The following DLG2 variants were observed in gnomAD, a reference collection of about 807,000 sequenced individuals.
The protein encoded by DLG2 is discs large MAGUK scaffold protein 2.
DLG2 carries 45 observed loss-of-function variants against 132.5 expected under a neutral mutation model. The ratio of observed to expected loss-of-function variants is 0.34; its 90% CI spans 0.27 to 0.44. The LOEUF (loss-of-function observed/expected upper bound fraction) is 0.44. DLG2 is among the 20% of genes least tolerant of loss of function. The pLI is 1.00. For synonymous variants in DLG2, 424 were observed against 419.6 expected (o/e 1.01, Z -0.13); for missense variants, 1,045 against 1,196.9 (o/e 0.87, Z 1.87).
intron 6 of DLG2, among the ~76,000 whole-genome samples, chr11:84,984,352 C>T (rs1224077684): frequency 6.6e-6 from 1 of 152,148 alleles, no homozygotes; most frequent in Admixed American, 6.5e-5. Flanking sequence ...AAACAATTAT[C>T]AGCCAAGAAT....
At chr11:83,868,315 G>C (rs1450250123) in intron 16 of DLG2, among the ~76,000 whole-genome samples, 1 of 152,118 alleles carries the variant, frequency 6.6e-6, no homozygotes, top group Non-Finnish European at 1.5e-5. Context: ...TTCTTATTCA[G>C]GAGACAGGTC....
chr11:85,311,154 T>C (rs2080289301), intron 3 of DLG2, among the ~76,000 whole-genome samples: 1 of 152,158 alleles, frequency 6.6e-6, no homozygotes, highest in South Asian at 2.1e-4. Flanking sequence ...CAGCCTAAAA[T>C]ATTTGCTATT....
At chr11:85,371,919 A>G (rs2085011451) in intron 3 of DLG2, among the ~76,000 whole-genome samples, 3 of 152,256 alleles carry the variant, frequency 2.0e-5, no homozygotes, top group Non-Finnish European at 4.4e-5. Context: ...GTATAAGACT[A>G]AAGTCCCTTT....
intron 18 of DLG2, among the ~76,000 whole-genome samples, chr11:83,694,166 T>A (rs1046612117): frequency 1.3e-5 from 2 of 152,198 alleles, no homozygotes; most frequent in Admixed American, 1.3e-4. Context: ...GAGCTGGGAC[T>A]CTAACTAAAT....
chr11:85,472,847 C>G (rs2093028609), intron 3 of DLG2, among the ~76,000 whole-genome samples: 1 of 152,210 alleles, frequency 6.6e-6, no homozygotes, highest in South Asian at 2.1e-4. Flanking sequence ...ACTGAATGAG[C>G]TGTAACACAA....
chr11:84,426,509 T>C (rs1350798204), intron 7 of DLG2, among the ~76,000 whole-genome samples: 2 of 152,128 alleles, frequency 1.3e-5, no homozygotes, highest in East Asian at 1.9e-4. Context: ...GTGGATATAA[T>C]AGTACTTTGC....
At chr11:85,119,142 A>C (rs1249919055) in intron 5 of DLG2, among the ~76,000 whole-genome samples, 2 of 152,002 alleles carry the variant, frequency 1.3e-5, no homozygotes, top group African/African-American at 4.8e-5. Flanking sequence ...CAAGAACTTT[A>C]AACTTAAGTT....
In DLG2 at chr11:84,075,784, G is replaced by A. The variant is rs207472093; in HGVS notation, c.750-16300C>T. Among the ~76,000 whole-genome samples the A allele has an allele frequency of 5.9e-5, 9 of 151,988 alleles. No individual in the cohort carries two copies. The East Asian group carries it at 1.5e-3, about 26-fold the overall frequency. Reference sequence around the variant, plus strand: ...ACTTATACTCCTCATCTCTTCCTAGGGTAAATCATATTTCATGAAATAAAT... The same window carrying A: ...ACTTATACTCCTCATCTCTTCCTAGAGTAAATCATATTTCATGAAATAAAT... On this transcript the variant is annotated intron_variant, in intron 10 of 27. Coordinates refer to ENST00000376104, the MANE Select transcript of DLG2 (RefSeq NM_001142699.3).
chr11:84,102,768 G>A (rs1184362102), intron 9 of DLG2, among the ~76,000 whole-genome samples: 1 of 152,172 alleles, frequency 6.6e-6, no homozygotes, highest in African/African-American at 2.4e-5. Context: ...GGGACATTTA[G>A]TGGGGGAAGT....
intron 9 of DLG2, among the ~76,000 whole-genome samples, chr11:84,137,327 C>T (rs1203406352): frequency 6.6e-6 from 1 of 152,086 alleles, no homozygotes; most frequent in Non-Finnish European, 1.5e-5. Context: ...CATACTCTAT[C>T]ATTAAAGAGA....
chr11:84,338,246 C>G (rs1385377935), intron 7 of DLG2, among the ~76,000 whole-genome samples: 1 of 152,182 alleles, frequency 6.6e-6, no homozygotes, highest in African/African-American at 2.4e-5. Context: ...CTAACATGCT[C>G]TCTTTTCTTT....
intron 18 of DLG2, among the ~76,000 whole-genome samples, chr11:83,659,634 G>A (rs564144967): frequency 2.6e-5 from 4 of 152,268 alleles, no homozygotes; most frequent in Admixed American, 6.5e-5. Context: ...GGTGGTGTAG[G>A]GATTACTCTC....
At chr11:84,323,668 G>T (rs1406502411) in intron 7 of DLG2, among the ~76,000 whole-genome samples, 1 of 150,190 alleles carries the variant, frequency 6.7e-6, no homozygotes, top group African/African-American at 2.4e-5. Flanking sequence ...CAATGCACAG[G>T]ACTTCCAATT....
chr11:83,759,630 T>C (rs565130006), intron 18 of DLG2, among the ~76,000 whole-genome samples: 2 of 152,212 alleles, frequency 1.3e-5, no homozygotes, highest in Non-Finnish European at 2.9e-5. Context: ...CCTGTTTCTT[T>C]AAGAAGTGAC....
chr11:84,774,790 C>A (rs1233391494), intron 6 of DLG2, among the ~76,000 whole-genome samples: 1 of 152,004 alleles, frequency 6.6e-6, no homozygotes, highest in Non-Finnish European at 1.5e-5. Flanking sequence ...CAAAAATTAA[C>A]TCAAGATTGA....
rs115784678 is a variant in DLG2 at position 84,461,542 on chromosome 11, C to T, written c.519+73028G>A. ...AATAGGGAAAAGTTAATTAACCTGT[C>T]AATCAATCATGTATAGGCAGTAATA... On this transcript the variant is annotated intron_variant, in intron 7 of 27. Coordinates refer to ENST00000376104, the MANE Select transcript of DLG2 (RefSeq NM_001142699.3). Among the ~76,000 whole-genome samples the T allele has an allele frequency of 6.5e-3, 979 of 150,998 alleles. 13 individuals are homozygous for T. The highest frequency in any genetic ancestry group is 0.021 in the African/African-American group (871 of 41,364).
chr11:85,283,098 G>A (rs188248245), intron 4 of DLG2, among the ~76,000 whole-genome samples: 2 of 152,044 alleles, frequency 1.3e-5, no homozygotes, highest in African/African-American at 4.8e-5. Context: ...GGTGGAGGGT[G>A]GGAAGAGGGA....
chr11:83,731,533 A>G (rs1372241384), intron 18 of DLG2, among the ~76,000 whole-genome samples: 2 of 152,192 alleles, frequency 1.3e-5, no homozygotes, highest in Non-Finnish European at 2.9e-5. Context: ...TATCCAGTCT[A>G]TCATAGATAG....
intron 3 of DLG2, among the ~76,000 whole-genome samples, chr11:85,312,685 C>T (rs2080391781): frequency 6.6e-6 from 1 of 151,844 alleles, no homozygotes; most frequent in Non-Finnish European, 1.5e-5. Flanking sequence ...CTTTCACTCA[C>T]CTAGGAGCTT....
Sources: gnomAD v4.1 joint callset for allele counts (sites outside exome capture counted in the v4.1 genomes callset) on GRCh38, gnomAD v4.1.1 for gene constraint, MANE v1.5 for transcripts, NCBI Gene and HGNC (gene_info 2026-07-23, HGNC 2026-07-21) for gene names.